DENND5B: variants seen among roughly 807,000 people sequenced by gnomAD.
The protein encoded by DENND5B is DENN domain-containing protein 5B.
In DENND5B, 34 loss-of-function variants were observed where a neutral mutation model predicts 140.6. That is an observed-to-expected ratio of 0.24 (90% CI 0.18 to 0.32). The LOEUF (loss-of-function observed/expected upper bound fraction) is 0.32, where lower values mean the gene tolerates loss of function less well. DENND5B is among the 10% of genes least tolerant of loss of function. The probability of loss-of-function intolerance (pLI) is 1.00; values close to 1 mark genes in which losing one functional copy is unlikely to be tolerated. For missense variants in DENND5B, 1,142 were observed against 1,560.2 expected, an observed-to-expected ratio of 0.73 and a Z score of 4.52; for synonymous variants, 551 against 562.1, an observed-to-expected ratio of 0.98 and a Z score of 0.28.
intron 16 of DENND5B, 109 bp from the exon 17 acceptor site, chr12:31,398,471 A>T: frequency 1.8e-6 from 2 of 1,103,854 alleles, no homozygotes; most frequent in Non-Finnish European, 2.5e-6. Flanking sequence ...CACCTGGCTA[A>T]TTTTTGTGTT....
chr12:31,504,339 C>T (rs916455861), intron 1 of DENND5B, among the ~76,000 whole-genome samples: 2 of 152,202 alleles, frequency 1.3e-5, no homozygotes, highest in Non-Finnish European at 2.9e-5. Context: ...AGTTCTGCTA[C>T]TATGAATGTA....
intron 5 of DENND5B, 98 bp downstream of exon 5, chr12:31,451,842 G>A (rs904190283): frequency 3.7e-6 from 5 of 1,369,188 alleles, no homozygotes; most frequent in Non-Finnish European, 5.0e-6. Context: ...AATAATATAT[G>A]GGTAAGCATA....
At chr12:31,587,905 G>A (rs66597773) in intron 1 of DENND5B, among the ~76,000 whole-genome samples, 22,158 of 152,036 alleles carry the variant, frequency 0.15, 1,863 homozygotes, top group Non-Finnish European at 0.19. Context: ...CCCCTGCCCT[G>A]ATATAGTCTA....
chr12:31,407,440 C>T (rs1420531288), intron 14 of DENND5B, among the ~76,000 whole-genome samples: 1 of 152,060 alleles, frequency 6.6e-6, no homozygotes, highest in Non-Finnish European at 1.5e-5. Context: ...AATTTTAAAA[C>T]TGTATATAAC....
At chr12:31,508,600 G>C (rs964638326) in intron 1 of DENND5B, among the ~76,000 whole-genome samples, 1 of 152,156 alleles carries the variant, frequency 6.6e-6, no homozygotes, top group African/African-American at 2.4e-5. Flanking sequence ...TCAAACAGAA[G>C]TCTCATTATT....
rs1305581445 is a variant in DENND5B, at chr12:31,442,861, A to G, written c.1926T>C (p.Asp642=). The G allele has an allele frequency of 1.9e-6, 3 of 1,612,014 alleles. No homozygotes were observed. Among genetic ancestry groups the G allele is most frequent in the African/African-American group, 2.7e-5 (2 of 75,038 alleles). ...DHTAIHPHLL[D]MKIGQGKYEQ... is the part of the protein sequence containing the mutation. Reference sequence around the variant, plus strand: ...CATATTTGCCTTGACCAATTTTCATATCAAGTAGATGTGGGTGGATTGCAG... The same window carrying G: ...CATATTTGCCTTGACCAATTTTCATGTCAAGTAGATGTGGGTGGATTGCAG... Residue 642 remains aspartate, a synonymous_variant, in exon 7 of 21, where the codon GAT becomes GAC. Coordinates refer to ENST00000389082, the MANE Select transcript of DENND5B (RefSeq NM_144973.4).
chr12:31,402,967 T>G (rs182377246), intron 14 of DENND5B, among the ~76,000 whole-genome samples: 1 of 152,314 alleles, frequency 6.6e-6, no homozygotes, highest in Non-Finnish European at 1.5e-5. Flanking sequence ...ACACTGACTG[T>G]GTATATTGTG....
At chr12:31,548,222 C>A (rs1330849864) in intron 1 of DENND5B, among the ~76,000 whole-genome samples, 1 of 151,694 alleles carries the variant, frequency 6.6e-6, no homozygotes, top group Admixed American at 6.6e-5. Flanking sequence ...TGAAACCCCA[C>A]CTCTACAAAA....
chr12:31,530,980 G>A (rs532242898), intron 1 of DENND5B, among the ~76,000 whole-genome samples: 6 of 152,198 alleles, frequency 3.9e-5, no homozygotes, highest in South Asian at 4.2e-4. Flanking sequence ...AGAAAGGTCC[G>A]AAACACAAAA....
intron 11 of DENND5B, among the ~76,000 whole-genome samples, chr12:31,420,861 C>T (rs925195914): frequency 7.9e-5 from 12 of 152,190 alleles, no homozygotes; most frequent in African/African-American, 2.7e-4. Context: ...CTACTAGGTG[C>T]AGTGATCACT....
chr12:31,402,379 G>A (rs1359303565), intron 15 of DENND5B, 119 bp downstream of exon 15: 33 of 1,244,172 alleles, frequency 2.7e-5, no homozygotes, highest in Non-Finnish European at 3.1e-5. Context: ...AAATGATCCT[G>A]CACGCTTTGA....
intron 14 of DENND5B, among the ~76,000 whole-genome samples, chr12:31,407,627 T>G (rs1026649565): frequency 2.0e-5 from 3 of 152,178 alleles, no homozygotes; most frequent in East Asian, 1.9e-4. Flanking sequence ...TTATTGAGAT[T>G]TTTTGGAAAA....
chr12:31,551,877 G>C (rs923535182), intron 1 of DENND5B, among the ~76,000 whole-genome samples: 1 of 152,180 alleles, frequency 6.6e-6, no homozygotes, highest in African/African-American at 2.4e-5. Context: ...TCTGTTATTG[G>C]TGTAAAAGAA....
chr12:31,419,682 C>T (rs1041380318), intron 11 of DENND5B, among the ~76,000 whole-genome samples: 1 of 151,918 alleles, frequency 6.6e-6, no homozygotes, highest in Non-Finnish European at 1.5e-5. Context: ...CACTTAAAAG[C>T]AGCATTTCTG....
intron 1 of DENND5B, among the ~76,000 whole-genome samples, chr12:31,557,252 T>C (rs1949317123): frequency 6.6e-6 from 1 of 152,254 alleles, no homozygotes; most frequent in Non-Finnish European, 1.5e-5. Context: ...CTACTAAATG[T>C]ATTAGTAGTT....
At chr12:31,387,859 G>C (rs557421943) in intron 20 of DENND5B, 73 bp from the exon 21 acceptor site, 2 of 1,464,992 alleles carry the variant, frequency 1.4e-6, no homozygotes, top group South Asian at 2.6e-5. Context: ...AGTGGAGTCT[G>C]TATGAATGGG....
chr12:31,501,179 T>C (rs1946987882), intron 1 of DENND5B, among the ~76,000 whole-genome samples: 1 of 152,190 alleles, frequency 6.6e-6, no homozygotes, highest in Non-Finnish European at 1.5e-5. Context: ...GAGAAGTAAT[T>C]GAATTATGGG....
rs1175766636 is a variant in DENND5B, at chr12:31,458,578, G to T, written c.1092+1616C>A. On this transcript the variant is annotated intron_variant, in intron 4 of 20. Transcript: ENST00000389082. Reference sequence around the variant, plus strand: ...AATAGTCTGTATATGTCTCTTATGTGATCTGAATCATGCTATTTTCCTTTG... The same window carrying T: ...AATAGTCTGTATATGTCTCTTATGTTATCTGAATCATGCTATTTTCCTTTG... Among the ~76,000 whole-genome samples, 3 of 152,138 alleles carry T rather than the reference G, an allele frequency of 2.0e-5. No individual in the cohort carries two copies. The East Asian group carries it at 5.8e-4, about 29-fold the overall frequency.
chr12:31,551,830 T>C (rs1165463667), intron 1 of DENND5B, among the ~76,000 whole-genome samples: 1 of 152,272 alleles, frequency 6.6e-6, no homozygotes, highest in Non-Finnish European at 1.5e-5. Flanking sequence ...GAAGCAATTG[T>C]GAATGGGAGT....
Sources: gnomAD v4.1 joint callset for allele counts (sites outside exome capture counted in the v4.1 genomes callset) on GRCh38, gnomAD v4.1.1 for gene constraint, MANE v1.5 for transcripts, NCBI Gene and HGNC (gene_info 2026-07-23, HGNC 2026-07-21) for gene names.